VPS13B: variants seen among roughly 807,000 people sequenced by gnomAD.
VPS13B encodes the protein vacuolar protein sorting 13 homolog B, also known as intermembrane lipid transfer protein VPS13B.
In VPS13B, 285 loss-of-function variants were observed where a neutral mutation model predicts 426.4. That is an observed-to-expected ratio of 0.67 (90% CI 0.61 to 0.74). The LOEUF is 0.74. VPS13B is among the 30% of genes least tolerant of loss of function. The pLI is 0.00. For missense variants in VPS13B, 4,537 were observed against 4,782.6 expected (o/e 0.95, Z 1.51); for synonymous variants, 1,676 against 1,676.4 (o/e 1.00, Z 0.01).
intron 40 of VPS13B, among the ~76,000 whole-genome samples, chr8:99,775,920 T>C (rs1430486653): frequency 2.6e-5 from 4 of 151,968 alleles, no homozygotes; most frequent in African/African-American, 9.7e-5. Context: ...AAAGAAAAGA[T>C]TTAACTTGTA....
chr8:99,292,723 T>C (rs930246675), intron 19 of VPS13B, among the ~76,000 whole-genome samples: 2 of 152,090 alleles, frequency 1.3e-5, no homozygotes, highest in Non-Finnish European at 2.9e-5. Context: ...TTATCCACCT[T>C]AAATGGAATC....
chr8:99,546,275 A>C (rs2133741956), intron 30 of VPS13B, among the ~76,000 whole-genome samples: 1 of 151,952 alleles, frequency 6.6e-6, no homozygotes, highest in African/African-American at 2.4e-5. Flanking sequence ...TTCCTCCTCA[A>C]ATTTCCTGTT....
intron 31 of VPS13B, among the ~76,000 whole-genome samples, chr8:99,558,906 A>C (rs1280670984): frequency 6.6e-6 from 1 of 152,238 alleles, no homozygotes; most frequent in African/African-American, 2.4e-5. Context: ...ATGATTTATA[A>C]TCCTTTGGGT....
chr8:99,356,090 G>A lies in VPS13B; in HGVS notation c.2825-28118G>A, dbSNP rs372686111. On this transcript the variant is annotated intron_variant, in intron 19 of 61. Transcript: ENST00000357162. ...ATTGCTTATATTATAATTTTTATTG[G>A]GGTGAAAATAGAGGCCTAATATTAA... 3.9e-5 allele frequency among the ~76,000 whole-genome samples: 6 copies of A among 152,116 alleles called. No homozygotes were observed. In the East Asian group the frequency reaches 9.7e-4, roughly 25 times the overall value.
intron 42 of VPS13B, among the ~76,000 whole-genome samples, chr8:99,783,536 G>A (rs914215038): frequency 2.0e-5 from 3 of 152,170 alleles, no homozygotes; most frequent in Non-Finnish European, 4.4e-5. Flanking sequence ...TAATGTAACA[G>A]CAACCAATGG....
intron 3 of VPS13B, among the ~76,000 whole-genome samples, chr8:99,053,408 T>C (rs1481674536): frequency 6.6e-6 from 1 of 152,114 alleles, no homozygotes; most frequent in African/African-American, 2.4e-5. Context: ...TTTTTTGTCC[T>C]TGCGATAGTT....
chr8:99,762,024 T>TG (rs1810955693), intron 39 of VPS13B, among the ~76,000 whole-genome samples: 1 of 151,756 alleles, frequency 6.6e-6, no homozygotes, highest in African/African-American at 2.4e-5. Context: ...TGTTTGCTTG[T>TG]GGTTTTTTTT....
chr8:99,699,547 A>G lies in VPS13B; in HGVS notation c.6069A>G (p.Ser2023=), dbSNP rs749724910. ...NGPADVNLDI[S]KPLKANLSFT... is the part of the protein sequence containing the mutation. The stretch of plus-strand genomic sequence containing the variant: ...TAGCGGATGTCAATTTGGATATATC[A>G]AAGCCTTTGAAAGCAAACCTGAGTT... The change falls in exon 36 of 62, where the codon TCA becomes TCG. Residue 2023 remains serine, a synonymous_variant. Coordinates refer to ENST00000357162, the MANE Select transcript of VPS13B (RefSeq NM_152564.5). 6.2e-6 allele frequency: 10 copies of G among 1,613,922 alleles called. No individual in the cohort carries two copies. Among genetic ancestry groups the G allele is most frequent in the Non-Finnish European group, 8.5e-6 (10 of 1,180,026 alleles).
chr8:99,284,166 GT>G (rs1402322126), intron 19 of VPS13B, among the ~76,000 whole-genome samples: 2 of 152,090 alleles, frequency 1.3e-5, no homozygotes, highest in Non-Finnish European at 2.9e-5. Context: ...ATATTTAAAT[GT>G]TTACACAAAA....
At chr8:99,846,156 C>T (rs533445783) in intron 54 of VPS13B, among the ~76,000 whole-genome samples, 1 of 152,158 alleles carries the variant, frequency 6.6e-6, no homozygotes, top group African/African-American at 2.4e-5. Flanking sequence ...ATTGAGTACC[C>T]GGCACTGGTT....
intron 34 of VPS13B, among the ~76,000 whole-genome samples, chr8:99,652,694 A>G (rs1274898073): frequency 3.9e-5 from 6 of 152,144 alleles, no homozygotes; most frequent in Non-Finnish European, 7.4e-5. Context: ...GACTTTAAGA[A>G]AAAGATTGAA....
intron 19 of VPS13B, among the ~76,000 whole-genome samples, chr8:99,281,890 A>G (rs1029065398): frequency 6.6e-6 from 1 of 152,190 alleles, no homozygotes; most frequent in Non-Finnish European, 1.5e-5. Context: ...TGATCTAATC[A>G]ATACATCTGT....
At chr8:99,137,321 C>A (rs79341764) in intron 12 of VPS13B, among the ~76,000 whole-genome samples, 3,074 of 150,948 alleles carry the variant, frequency 0.02, 116 homozygotes, top group African/African-American at 0.071. Context: ...GAAAAGTTAG[C>A]GAAAATAGGT....
intron 31 of VPS13B, among the ~76,000 whole-genome samples, chr8:99,557,004 T>C (rs1037494222): frequency 1.3e-5 from 2 of 152,114 alleles, no homozygotes; most frequent in African/African-American, 4.8e-5. Context: ...CCTTTTTGCT[T>C]ATAATAACAA....
intron 35 of VPS13B, among the ~76,000 whole-genome samples, chr8:99,679,401 C>T (rs1449785): frequency 0.14 from 20,936 of 152,116 alleles, 1,993 homozygotes; most frequent in East Asian, 0.39. Context: ...TAGTTCAGTA[C>T]ATTTACTTTA....
chr8:99,083,622 A>G (rs1197957109), intron 3 of VPS13B, among the ~76,000 whole-genome samples: 5 of 139,052 alleles, frequency 3.6e-5, no homozygotes, highest in African/African-American at 5.5e-5. Context: ...TTATTTTGAG[A>G]TATGTCCCAT....
Position 99,156,715 on chromosome 8 carries a change from A to T in VPS13B, c.2180A>T (p.His727Leu). Residue 727 changes from histidine to leucine, a missense_variant, in exon 15 of 62, where the codon CAT becomes CTT. Around this residue, in one of 2 missense-constraint regions of VPS13B, gnomAD observed 4,311 missense variants for 4,474.3 expected, o/e 0.96. Transcript: ENST00000357162. ...ACTCAACCTTCTGATAACCTGCTTC[A>T]TTATTGTTATGTACACTGCTATCTT... ...SLTQPSDNLL[H>L]YCYVHCYLKI... The T allele has an allele frequency of 6.2e-7, 1 of 1,614,018 alleles. No individual in the cohort carries two copies. Among genetic ancestry groups the T allele is most frequent in the Non-Finnish European group, 8.5e-7 (1 of 1,179,892 alleles).
intron 16 of VPS13B, among the ~76,000 whole-genome samples, chr8:99,178,631 C>G (rs546649668): frequency 6.6e-6 from 1 of 151,584 alleles, no homozygotes; most frequent in Non-Finnish European, 1.5e-5. Flanking sequence ...TTTTATTTTT[C>G]TATATTTTGA....
chr8:99,033,885 G>A (rs2132206217), intron 2 of VPS13B, among the ~76,000 whole-genome samples: 1 of 151,990 alleles, frequency 6.6e-6, no homozygotes, highest in South Asian at 2.1e-4. Flanking sequence ...GACAGGGTGA[G>A]ACTCCATCTC....
Sources: allele counts gnomAD v4.1 joint callset (sites outside exome capture counted in the v4.1 genomes callset), GRCh38; gene constraint gnomAD v4.1.1; regional missense constraint gnomAD v4.1.1; transcripts MANE v1.5; gene names NCBI Gene and HGNC (gene_info 2026-07-23, HGNC 2026-07-21).